The following RAG1 variants were observed in gnomAD, a reference collection of about 807,000 sequenced individuals.
RAG1 encodes V(D)J recombination-activating protein 1.
In RAG1, 35 loss-of-function variants were observed where a neutral mutation model predicts 62.7. That is an observed-to-expected ratio of 0.56 (90% CI 0.43 to 0.74). RAG1 has a LOEUF of 0.74. Among genes scored for constraint, RAG1 ranks in the 30% least tolerant of loss-of-function variants. RAG1 has a pLI of 0.00. For missense variants in RAG1, 1,169 were observed against 1,278.6 expected (o/e 0.91, Z 1.31); for synonymous variants, 461 against 470.3 (o/e 0.98, Z 0.26).
intron 2 of RAG1, among the ~76,000 whole-genome samples, chr11:36,531,350 T>G (rs1007672217): frequency 1.3e-5 from 2 of 151,976 alleles, no homozygotes; most frequent in African/African-American, 4.8e-5. Context: ...ATGTTATGGC[T>G]TAAGTCTGCT....
intron 1 of RAG1, among the ~76,000 whole-genome samples, chr11:36,515,021 G>T (rs181226064): frequency 1.3e-5 from 2 of 152,290 alleles, no homozygotes; most frequent in Admixed American, 1.3e-4. Context: ...AACTAAAGCA[G>T]CAGGCTTCAG....
intron 3 of RAG1, among the ~76,000 whole-genome samples, chr11:36,543,883 G>T (rs1850352107): frequency 6.6e-6 from 1 of 152,056 alleles, no homozygotes; most frequent in Admixed American, 6.6e-5. Flanking sequence ...GGGATAAATG[G>T]CCAGAAGCGC....
At position 36,579,581 on chromosome 11, in the gene RAG1, A is replaced by T; in HGVS notation, c.*3145A>T. 6.0e-6 allele frequency: 1 copy of T among 166,100 alleles called. No homozygotes were observed. 10.3% of individuals were successfully genotyped at this position (166,100 alleles called of 1,614,324 possible). A position where few individuals can be genotyped will look rare whatever the true frequency, so the allele number is the denominator to read the frequency against. On this transcript the variant is annotated 3_prime_UTR_variant, in exon 2 of 2. Transcript: ENST00000299440. ...TTTGTATTTCAGAGAAAATTCAGGT[A>T]CCAGGATGCAATGGATTTATTTGAT...
chr11:36,542,082 C>G (rs552754366), intron 3 of RAG1, among the ~76,000 whole-genome samples: 4 of 152,154 alleles, frequency 2.6e-5, no homozygotes, highest in Non-Finnish European at 5.9e-5. Context: ...GTCTCACTTT[C>G]ACTGTTCTTG....
upstream of RAG1, among the ~76,000 whole-genome samples, chr11:36,565,598 G>A (rs1033157944): frequency 1.3e-5 from 2 of 152,194 alleles, no homozygotes; most frequent in African/African-American, 4.8e-5. Flanking sequence ...ATACATGTCA[G>A]CAGTGTTTTA....
intron 1 of RAG1, among the ~76,000 whole-genome samples, chr11:36,570,975 G>A (rs987023196): frequency 3.9e-5 from 6 of 152,144 alleles, no homozygotes; most frequent in Non-Finnish European, 5.9e-5. Flanking sequence ...TGTGGATTGT[G>A]TCTTCACTTT....
At chr11:36,568,316 G>C (rs1012494452) in intron 1 of RAG1, among the ~76,000 whole-genome samples, 194 bp downstream of exon 1, 1 of 152,148 alleles carries the variant, frequency 6.6e-6, no homozygotes, top group Non-Finnish European at 1.5e-5. Flanking sequence ...AAGGTTCATA[G>C]AAAGATGCAA....
At chr11:36,536,702 T>A (rs1860333374), downstream of RAG1, among the ~76,000 whole-genome samples, 1 of 151,310 alleles carries the variant, frequency 6.6e-6, no homozygotes, top group Middle Eastern at 3.4e-3. Flanking sequence ...TATTTATATT[T>A]TATAAAGTAA....
intron 2 of RAG1, among the ~76,000 whole-genome samples, chr11:36,526,314 A>G (rs1189889901): frequency 7.2e-6 from 1 of 138,620 alleles, no homozygotes; most frequent in Non-Finnish European, 1.5e-5. Flanking sequence ...ACTGCCAATT[A>G]TGAGTGAGGA....
At chr11:36,517,256 G>T in intron 1 of RAG1, among the ~76,000 whole-genome samples, 1 of 152,132 alleles carries the variant, frequency 6.6e-6, no homozygotes, top group African/African-American at 2.4e-5. Flanking sequence ...TTCAATAATT[G>T]CATATTTTCA....
chr11:36,573,295 C>A lies in RAG1; in HGVS notation c.-10C>A. The A allele has an allele frequency of 6.2e-7, 1 of 1,613,986 alleles. No homozygotes were observed. The highest frequency in any genetic ancestry group is 1.3e-5 in the African/African-American group (1 of 74,992). ...ACTTGTTTTCATTGTTCTCAGGTAC[C>A]TCAGCCAGCATGGCAGCCTCTTTCC... On this transcript the variant is annotated 5_prime_UTR_variant, in exon 2 of 2. Coordinates refer to ENST00000299440, the MANE Select transcript of RAG1 (RefSeq NM_000448.3).
In RAG1 at chr11:36,576,524, T is replaced by C; in HGVS notation, c.*88T>C. 6.8e-7 allele frequency: 1 copy of C among 1,473,240 alleles called. No homozygotes were observed. 91.3% of individuals were successfully genotyped at this position (1,473,240 alleles called of 1,614,324 possible). Reference sequence around the variant, plus strand: ...CTTCTCCTAGCACCCTTTACTGCTGTGTATGGGGCTTCACCATCCAAGAGG... The same window carrying C: ...CTTCTCCTAGCACCCTTTACTGCTGCGTATGGGGCTTCACCATCCAAGAGG... On this transcript the variant is annotated 3_prime_UTR_variant, in exon 2 of 2. Coordinates refer to ENST00000299440, the MANE Select transcript of RAG1 (RefSeq NM_000448.3).
chr11:36,535,472 A>G (rs1021109316), intron 2 of RAG1, among the ~76,000 whole-genome samples: 4 of 152,304 alleles, frequency 2.6e-5, no homozygotes, highest in Middle Eastern at 6.8e-3. Flanking sequence ...ATACTCACAT[A>G]TAGGCCAGAT....
chr11:36,536,648 A>C (rs1860332376), downstream of RAG1, among the ~76,000 whole-genome samples: 1 of 151,822 alleles, frequency 6.6e-6, no homozygotes, highest in Non-Finnish European at 1.5e-5. Flanking sequence ...GAAGAAAAAT[A>C]GCATAGGTAG....
Position 36,524,174 on chromosome 11 carries a change from T to A in RAG1, n.428+3945T>A, listed in dbSNP as rs554882221. Among the ~76,000 whole-genome samples the A allele has an allele frequency of 2.0e-5, 3 of 152,062 alleles. No homozygotes were observed. The East Asian group carries it at 5.8e-4, about 29-fold the overall frequency. ...TAAATCCAGGAGTGTAATTACTGAG[T>A]CATGGTAATTGCATTTTAACTTTGG... On this transcript the variant is annotated intron_variant and non_coding_transcript_variant, in intron 2 of 2. Transcript: ENST00000529126.
At chr11:36,542,262 G>A (rs1433040291) in intron 3 of RAG1, among the ~76,000 whole-genome samples, 1 of 152,182 alleles carries the variant, frequency 6.6e-6, no homozygotes, top group Non-Finnish European at 1.5e-5. Context: ...GCTGAACAAA[G>A]TGAGTCTCTT....
chr11:36,551,362 G>A (rs1022150602), intron 3 of RAG1, among the ~76,000 whole-genome samples: 1 of 152,064 alleles, frequency 6.6e-6, no homozygotes, highest in Non-Finnish European at 1.5e-5. Context: ...CATAGAGTAG[G>A]TAGCTTAAAC....
At chr11:36,544,753 C>T (rs1417333662) in intron 3 of RAG1, among the ~76,000 whole-genome samples, 3 of 152,152 alleles carry the variant, frequency 2.0e-5, no homozygotes, top group Non-Finnish European at 4.4e-5. Context: ...GAGGGAGGGA[C>T]CCTGTGGGAG....
upstream of RAG1, chr11:36,567,384 A>G (rs185970602): frequency 6.6e-6 from 1 of 152,286 alleles, no homozygotes; most frequent in Non-Finnish European, 1.5e-5. Context: ...GAAGTTCCTA[A>G]AGTTTAAGTA....
Sources: allele counts gnomAD v4.1 joint callset (sites outside exome capture counted in the v4.1 genomes callset), GRCh38; gene constraint gnomAD v4.1.1; transcripts MANE v1.5; gene names NCBI Gene and HGNC (gene_info 2026-07-23, HGNC 2026-07-21).